PATJ: variants seen among roughly 807,000 people sequenced by gnomAD.
PATJ encodes inaD-like protein.
Under a neutral mutation model 224.9 loss-of-function variants are expected in PATJ, and 190 were observed. That is an observed-to-expected ratio of 0.84 (90% CI 0.75 to 0.95). The LOEUF is 0.95. Among genes scored for constraint, PATJ ranks in the 40% least tolerant of loss-of-function variants. The pLI is 0.00. For missense variants in PATJ, 2,121 were observed against 2,270.3 expected (o/e 0.93, Z 1.34); for synonymous variants, 769 against 820.3 (o/e 0.94, Z 1.07).
chr1:61,966,296 C>G (rs1304298002), intron 27 of PATJ, among the ~76,000 whole-genome samples: 1 of 152,158 alleles, frequency 6.6e-6, no homozygotes, highest in African/African-American at 2.4e-5. Context: ...GAATGGTAAT[C>G]TGTTAGGGTC....
chr1:61,970,541 G>A (rs1682823582), intron 27 of PATJ, among the ~76,000 whole-genome samples: 1 of 152,162 alleles, frequency 6.6e-6, no homozygotes, highest in African/African-American at 2.4e-5. Context: ...TTCCCAGGCT[G>A]GAGTGCAGTG....
intron 10 of PATJ, among the ~76,000 whole-genome samples, chr1:61,796,696 TTC>T (rs373117065): frequency 0.12 from 7,982 of 65,580 alleles, 384 homozygotes; most frequent in Admixed American, 0.16. Context: ...CTTTCTTTCT[TTC>T]TTTCTTTCTT....
Position 61,983,431 on chromosome 1 carries a change from T to A in PATJ, c.3671-6737T>A, listed in dbSNP as rs1263694989. Among the ~76,000 whole-genome samples, 6 of 152,210 alleles carry A rather than the reference T, an allele frequency of 3.9e-5. No individual in the cohort carries two copies. The East Asian group carries it at 9.6e-4, about 24-fold the overall frequency. ...TGGGTTTTAAAAGATAATGTGCACG[T>A]AGTAATTTGTTTTTCTAGTACTACT... On this transcript the variant is annotated intron_variant, in intron 27 of 43. Transcript: ENST00000642238.
intron 32 of PATJ, among the ~76,000 whole-genome samples, chr1:62,082,681 G>A (rs1199682387): frequency 6.6e-6 from 1 of 152,194 alleles, no homozygotes; most frequent in Non-Finnish European, 1.5e-5. Flanking sequence ...CCATAGGCTA[G>A]GCATAAATGA....
intron 33 of PATJ, among the ~76,000 whole-genome samples, chr1:62,098,868 A>AT (rs537382438): frequency 1.8e-4 from 28 of 152,098 alleles, no homozygotes; most frequent in African/African-American, 5.8e-4. Flanking sequence ...AAACATTCAA[A>AT]TTTTTTTTAT....
chr1:61,847,830 A>G (rs1470148744), intron 17 of PATJ, among the ~76,000 whole-genome samples: 2 of 152,252 alleles, frequency 1.3e-5, no homozygotes, highest in East Asian at 1.9e-4. Flanking sequence ...AATTCAGCTA[A>G]TGGTTCCTGA....
intron 27 of PATJ, among the ~76,000 whole-genome samples, chr1:61,984,158 A>ATTTT (rs1453250650): frequency 3.0e-5 from 4 of 131,522 alleles, no homozygotes; most frequent in African/African-American, 1.2e-4. Context: ...AATTATTATT[A>ATTTT]TTATTATTTT....
chr1:62,131,898 C>G (rs997155312), intron 41 of PATJ, among the ~76,000 whole-genome samples: 1 of 150,354 alleles, frequency 6.7e-6, no homozygotes, highest in Non-Finnish European at 1.5e-5. Flanking sequence ...GATGGAGTCT[C>G]GCTCTGTTGT....
chr1:62,090,391 C>G (rs184773285), intron 33 of PATJ, among the ~76,000 whole-genome samples: 25 of 152,210 alleles, frequency 1.6e-4, no homozygotes, highest in African/African-American at 5.3e-4. Flanking sequence ...CCTAGAAGAG[C>G]TCACACAGTC....
At chr1:62,148,114 CTG>C (rs66743140) in intron 41 of PATJ, among the ~76,000 whole-genome samples, 168 bp from the exon 42 acceptor site, 79,067 of 123,414 alleles carry the variant, frequency 0.64, 25,516 homozygotes, top group East Asian at 0.75. Context: ...GAGTGAGACA[CTG>C]TCTTTAAAAA....
intron 28 of PATJ, among the ~76,000 whole-genome samples, chr1:62,004,153 T>C (rs1251416077): frequency 6.6e-6 from 1 of 152,230 alleles, no homozygotes; most frequent in African/African-American, 2.4e-5. Flanking sequence ...CAATTATTTG[T>C]TTCCAAAACC....
At chr1:62,054,277 T>A in intron 31 of PATJ, 3 of 383,224 alleles carry the variant, frequency 7.8e-6, no homozygotes, top group South Asian at 6.0e-5. Flanking sequence ...GTGGGAGGAT[T>A]ACTTGGACCT....
chr1:61,899,105 G>A (rs1670771876), intron 22 of PATJ, among the ~76,000 whole-genome samples: 1 of 152,118 alleles, frequency 6.6e-6, no homozygotes, highest in Non-Finnish European at 1.5e-5. Context: ...ATATAAGTAC[G>A]CAAAATATTC....
At chr1:62,056,774 C>A (rs1558105184) in intron 31 of PATJ, among the ~76,000 whole-genome samples, 1 of 152,100 alleles carries the variant, frequency 6.6e-6, no homozygotes, top group Non-Finnish European at 1.5e-5. Flanking sequence ...GAGCAAAACT[C>A]CATCTCAAAA....
intron 12 of PATJ, among the ~76,000 whole-genome samples, chr1:61,804,151 A>G (rs1653077392): frequency 6.6e-6 from 1 of 152,204 alleles, no homozygotes; most frequent in Admixed American, 6.5e-5. Context: ...ATTACTGCCT[A>G]GAAGAAATTT....
chr1:62,098,461 G>T (rs1446593324), intron 33 of PATJ, among the ~76,000 whole-genome samples: 1 of 152,116 alleles, frequency 6.6e-6, no homozygotes, highest in Non-Finnish European at 1.5e-5. Context: ...TGGGTGTGGT[G>T]GTGTGCACCT....
chr1:62,144,371 T>C (rs1667802835), intron 41 of PATJ, among the ~76,000 whole-genome samples: 1 of 152,170 alleles, frequency 6.6e-6, no homozygotes, highest in Admixed American at 6.6e-5. Flanking sequence ...TTTTCTTTCT[T>C]TTTCTGCTCT....
intron 1 of PATJ, among the ~76,000 whole-genome samples, chr1:61,746,242 T>A (rs899472421): frequency 6.6e-5 from 10 of 152,182 alleles, no homozygotes; most frequent in Non-Finnish European, 1.3e-4. Flanking sequence ...ACGCCTGGCC[T>A]CTTTTAAAAA....
chr1:62,091,927 G>A (rs553101306), intron 33 of PATJ, among the ~76,000 whole-genome samples: 6 of 151,804 alleles, frequency 4.0e-5, no homozygotes, highest in Middle Eastern at 3.4e-3. Flanking sequence ...ATGGTGGCAC[G>A]TGGCTATAGT....
Sources: gnomAD v4.1 joint callset for allele counts (sites outside exome capture counted in the v4.1 genomes callset) on GRCh38, gnomAD v4.1.1 for gene constraint, MANE v1.5 for transcripts, NCBI Gene and HGNC (gene_info 2026-07-23, HGNC 2026-07-21) for gene names.